The following MAP4K5 variants were observed in gnomAD, a reference collection of about 807,000 sequenced individuals.
MAP4K5 encodes the protein mitogen-activated protein kinase kinase kinase kinase 5.
Under a neutral mutation model 135.6 loss-of-function variants are expected in MAP4K5, and 82 were observed. The ratio of observed to expected loss-of-function variants is 0.60; its 90% CI spans 0.51 to 0.73. The LOEUF is 0.73. MAP4K5 is among the 30% of genes least tolerant of loss of function. The pLI is 0.00. For missense variants in MAP4K5, 907 were observed against 1,010.9 expected, an observed-to-expected ratio of 0.90 and a Z score of 1.39; for synonymous variants, 347 against 335.0, an observed-to-expected ratio of 1.04 and a Z score of -0.39.
At chr14:50,558,832 G>A (rs114976339) in intron 1 of MAP4K5, among the ~76,000 whole-genome samples, 1,760 of 152,248 alleles carry the variant, frequency 0.012, 31 homozygotes, top group African/African-American at 0.041. Context: ...GTCTTCCTAT[G>A]TTGTTTCATT....
At chr14:50,458,853 G>A (rs549525843) in intron 13 of MAP4K5, among the ~76,000 whole-genome samples, 2 of 152,162 alleles carry the variant, frequency 1.3e-5, no homozygotes, top group African/African-American at 4.8e-5. Context: ...CTGTCACCCA[G>A]GCTGGAGTGC....
intron 9 of MAP4K5, among the ~76,000 whole-genome samples, chr14:50,470,706 T>C (rs2036940448): frequency 6.6e-6 from 1 of 151,918 alleles, no homozygotes; most frequent in Non-Finnish European, 1.5e-5. Context: ...TAAAATGGTA[T>C]CATATTGCAT....
intron 2 of MAP4K5, among the ~76,000 whole-genome samples, chr14:50,526,073 C>T (rs1388299236): frequency 6.6e-6 from 1 of 152,202 alleles, no homozygotes; most frequent in Admixed American, 6.5e-5. Context: ...GGTGTTTGCA[C>T]ATACTATACC....
intron 1 of MAP4K5, chr14:50,560,282 G>A (rs1488692032): frequency 6.8e-6 from 11 of 1,614,036 alleles, no homozygotes; most frequent in Admixed American, 1.7e-5. Context: ...AAGAACCGCA[G>A]GGACAGAAAC....
At chr14:50,446,423 A>G (rs1194691893) in intron 16 of MAP4K5, among the ~76,000 whole-genome samples, 1 of 152,232 alleles carries the variant, frequency 6.6e-6, no homozygotes, top group Non-Finnish European at 1.5e-5. Flanking sequence ...ACTGATTCAG[A>G]ATTTTAGAGT....
chr14:50,507,066 TG>T (rs1371817207), intron 2 of MAP4K5, among the ~76,000 whole-genome samples: 1 of 152,246 alleles, frequency 6.6e-6, no homozygotes, highest in Non-Finnish European at 1.5e-5. Context: ...ATTGACTTCC[TG>T]GGCATATTGT....
At chr14:50,427,619 C>T (rs1255339481) in intron 30 of MAP4K5, among the ~76,000 whole-genome samples, 8 of 151,918 alleles carry the variant, frequency 5.3e-5, no homozygotes, top group Middle Eastern at 3.2e-3. Context: ...CATTTTAGTG[C>T]CTTTGATTTA....
chr14:50,532,912 T>C (rs901957465), upstream of MAP4K5: 1 of 152,278 alleles, frequency 6.6e-6, no homozygotes, highest in Non-Finnish European at 1.5e-5. Context: ...AGAAGGGCGA[T>C]GGGAACGTAG....
At chr14:50,503,658 T>C (rs1224461746) in intron 3 of MAP4K5, among the ~76,000 whole-genome samples, 1 of 152,076 alleles carries the variant, frequency 6.6e-6, no homozygotes, top group Non-Finnish European at 1.5e-5. Flanking sequence ...ACTGCAATTA[T>C]TTATGCATCA....
At chr14:50,448,181 AT>A (rs1308970058) in intron 15 of MAP4K5, among the ~76,000 whole-genome samples, 16 of 151,984 alleles carry the variant, frequency 1.1e-4, no homozygotes, top group East Asian at 3.9e-4. Flanking sequence ...CGCCTGGCTG[AT>A]TTTTGTATTT....
intron 1 of MAP4K5, chr14:50,560,307 G>A: frequency 6.2e-7 from 1 of 1,613,846 alleles, no homozygotes; most frequent in South Asian, 1.1e-5. Flanking sequence ...GGGGTGAGTA[G>A]CAAATGAGAA....
chr14:50,508,780 G>A (rs919943615), intron 2 of MAP4K5, among the ~76,000 whole-genome samples: 1 of 152,122 alleles, frequency 6.6e-6, no homozygotes, highest in Admixed American at 6.5e-5. Flanking sequence ...GACACTGTTG[G>A]TGGGAGTGTA....
intron 2 of MAP4K5, among the ~76,000 whole-genome samples, chr14:50,508,792 A>G (rs2140036341): frequency 6.6e-6 from 1 of 152,242 alleles, no homozygotes; most frequent in South Asian, 2.1e-4. Context: ...GGGAGTGTAA[A>G]CTAGTTCAAC....
Position 50,437,503 on chromosome 14 carries a change from T to C in MAP4K5, c.1855A>G (p.Thr619Ala), listed in dbSNP as rs1220469848. ...KFALTTKIPDTKGCHKCCIVR... is the reference protein window; with the variant it reads ...KFALTTKIPDAKGCHKCCIVR... ...ATGCAACATTTGTGGCAGCCTTTTG[T>C]ATCAGGAATCTTTGTTGTTAAAGCG... The change falls in exon 26 of 33, where the codon ACA (threonine) becomes GCA (alanine). Residue 619 changes from threonine to alanine, a missense_variant. Physicochemically the swap from Thr to Ala is moderately conservative, Grantham distance 58. Coordinates refer to ENST00000682126, the MANE Select transcript of MAP4K5 (RefSeq NM_006575.6). 1 of 1,604,788 alleles carries C rather than the reference T, an allele frequency of 6.2e-7. No homozygotes were observed. Among genetic ancestry groups the C allele is most frequent in the Admixed American group, 1.7e-5 (1 of 58,238 alleles).
At position 50,419,214 on chromosome 14, in the gene MAP4K5, A is replaced by T. The variant is rs1399278753; in HGVS notation, c.*805T>A. The T allele has an allele frequency of 6.6e-6, 1 of 152,190 alleles. No homozygotes were observed. The highest frequency in any genetic ancestry group is 1.5e-5 in the Non-Finnish European group (1 of 67,998). 9.4% of individuals were successfully genotyped at this position (152,190 alleles called of 1,614,324 possible). On this transcript the variant is annotated 3_prime_UTR_variant, in exon 33 of 33. Coordinates refer to ENST00000682126, the MANE Select transcript of MAP4K5 (RefSeq NM_006575.6). ...AGGTATTTTATACTGCTTGTCAAGAATACATACACATGGTAGACACAGCTA... is the reference window on the plus strand; with the variant it reads ...AGGTATTTTATACTGCTTGTCAAGATTACATACACATGGTAGACACAGCTA...
At chr14:50,428,365 C>T (rs2035893001) in intron 30 of MAP4K5, among the ~76,000 whole-genome samples, 1 of 152,104 alleles carries the variant, frequency 6.6e-6, no homozygotes, top group African/African-American at 2.4e-5. Flanking sequence ...AAGCGATTCT[C>T]CTGCCTCAGC....
At chr14:50,452,156 TA>T (rs2036503971) in intron 14 of MAP4K5, among the ~76,000 whole-genome samples, 1 of 152,156 alleles carries the variant, frequency 6.6e-6, no homozygotes, top group Non-Finnish European at 1.5e-5. Flanking sequence ...TTAGGTATAT[TA>T]AATGTTTTTT....
In MAP4K5 at chr14:50,454,827, CTTAAGTTT is replaced by C. The variant is rs555617814; in HGVS notation, c.1015+1681_1015+1688del. 3.0e-4 allele frequency among the ~76,000 whole-genome samples: 45 copies of C among 151,650 alleles called. 2 individuals are homozygous for C. The highest frequency in any genetic ancestry group is 2.4e-3 in the Admixed American group (36 of 15,234). ...TTTTTTTTAACCACATAAGCTGATTCTTAAGTTTATGTGGGGAAGAAGGCACAATAGCC... is the reference window on the plus strand; with the variant it reads ...TTTTTTTTAACCACATAAGCTGATTCATGTGGGGAAGAAGGCACAATAGCC... On this transcript the variant is annotated intron_variant, in intron 14 of 32. Coordinates refer to ENST00000682126, the MANE Select transcript of MAP4K5 (RefSeq NM_006575.6).
intron 1 of MAP4K5, chr14:50,542,622 A>G (rs376196234): frequency 2.6e-5 from 4 of 152,212 alleles, no homozygotes; most frequent in African/African-American, 7.2e-5. Flanking sequence ...ACAAATGTCC[A>G]TTGGACCTGC....
Sources: gnomAD v4.1 joint callset for allele counts (sites outside exome capture counted in the v4.1 genomes callset) on GRCh38, gnomAD v4.1.1 for gene constraint, MANE v1.5 for transcripts, NCBI Gene and HGNC (gene_info 2026-07-23, HGNC 2026-07-21) for gene names.